Variants in RNF121 observed in about 807,000 individuals in gnomAD.
RNF121 encodes E3 ubiquitin ligase RNF121.
Under a neutral mutation model 46.5 loss-of-function variants are expected in RNF121, and 21 were observed. The ratio of observed to expected loss-of-function variants is 0.45; its 90% CI spans 0.32 to 0.65. RNF121 has a LOEUF of 0.65. Ranked by LOEUF, RNF121 falls within the 30% of genes least tolerant of loss-of-function variation. The pLI is 0.04. For missense variants in RNF121, 346 were observed against 416.0 expected, an observed-to-expected ratio of 0.83 and a Z score of 1.46; for synonymous variants, 139 against 144.7, an observed-to-expected ratio of 0.96 and a Z score of 0.28.
chr11:71,969,281 T>C (rs1590797921), intron 3 of RNF121, among the ~76,000 whole-genome samples: 1 of 152,192 alleles, frequency 6.6e-6, no homozygotes, highest in East Asian at 1.9e-4. Context: ...TTAGTTGTGA[T>C]ATATTCACAT....
intron 6 of RNF121, among the ~76,000 whole-genome samples, chr11:71,993,637 TGTGA>T (rs1260503932): frequency 2.0e-5 from 3 of 152,234 alleles, no homozygotes; most frequent in Admixed American, 6.5e-5. Flanking sequence ...TTTTGGCTAC[TGTGA>T]GTAACGCTGT....
intron 3 of RNF121, among the ~76,000 whole-genome samples, chr11:71,967,697 A>G (rs1224154521): frequency 3.9e-5 from 6 of 152,172 alleles, no homozygotes; most frequent in Non-Finnish European, 8.8e-5. Context: ...TTGGGATTAC[A>G]GACATGAGCC....
chr11:71,977,600 A>C (rs904749561), intron 3 of RNF121, among the ~76,000 whole-genome samples: 1 of 152,328 alleles, frequency 6.6e-6, no homozygotes, highest in Admixed American at 6.5e-5. Flanking sequence ...CGAATCCATG[A>C]GTTAGTTTCA....
intron 2 of RNF121, among the ~76,000 whole-genome samples, chr11:71,960,061 C>G (rs1775404735): frequency 6.6e-6 from 1 of 152,192 alleles, no homozygotes; most frequent in African/African-American, 2.4e-5. Flanking sequence ...TCTTTAAGAC[C>G]AGCGAATGCC....
At chr11:71,958,034 A>C (rs7102639) in intron 2 of RNF121, among the ~76,000 whole-genome samples, 2,616 of 152,376 alleles carry the variant, frequency 0.017, 79 homozygotes, top group African/African-American at 0.06. Context: ...TTTTAAGCTT[A>C]GTATGAACCA....
At chr11:71,975,983 G>A (rs745726166) in intron 3 of RNF121, among the ~76,000 whole-genome samples, 2 of 152,156 alleles carry the variant, frequency 1.3e-5, no homozygotes, top group African/African-American at 4.8e-5. Flanking sequence ...AACTCCAACC[G>A]TGTTTCTGCC....
chr11:71,933,886 T>C (rs1478820040), intron 1 of RNF121, among the ~76,000 whole-genome samples: 2 of 152,222 alleles, frequency 1.3e-5, no homozygotes, highest in African/African-American at 4.8e-5. Context: ...ATATGCCAGC[T>C]CCTCTGCCTA....
At chr11:71,990,254 G>A (rs1954840291) in intron 5 of RNF121, among the ~76,000 whole-genome samples, 1 of 152,154 alleles carries the variant, frequency 6.6e-6, no homozygotes, top group South Asian at 2.1e-4. Flanking sequence ...TACCAACAGT[G>A]GAGTCCCCAC....
intron 1 of RNF121, among the ~76,000 whole-genome samples, chr11:71,942,156 A>G (rs1953586595): frequency 6.6e-6 from 1 of 151,958 alleles, no homozygotes; most frequent in Non-Finnish European, 1.5e-5. Context: ...GATGGTCTCA[A>G]TCTCCTGACC....
At chr11:71,940,071 G>T (rs934362718) in intron 1 of RNF121, among the ~76,000 whole-genome samples, 1 of 152,186 alleles carries the variant, frequency 6.6e-6, no homozygotes, top group Non-Finnish European at 1.5e-5. Flanking sequence ...TGGATAGGAG[G>T]CCACTTTAGG....
At chr11:71,942,719 G>A (rs1048182968) in intron 1 of RNF121, among the ~76,000 whole-genome samples, 1 of 150,940 alleles carries the variant, frequency 6.6e-6, no homozygotes, top group Non-Finnish European at 1.5e-5. Flanking sequence ...AGCCAAGATC[G>A]TGCCACTGCA....
At chr11:71,993,091 A>G (rs1954896610) in intron 6 of RNF121, among the ~76,000 whole-genome samples, 1 of 152,152 alleles carries the variant, frequency 6.6e-6, no homozygotes, top group Non-Finnish European at 1.5e-5. Flanking sequence ...AAAACAGTAC[A>G]TTGGATCACT....
chr11:71,994,592 C>T (rs1954934434), intron 6 of RNF121, 127 bp from the exon 7 acceptor site: 3 of 1,051,386 alleles, frequency 2.9e-6, no homozygotes, highest in African/African-American at 1.6e-5. Context: ...AAAAGATGTC[C>T]TCTAACTCTG....
At chr11:71,946,583 TAAAAG>T (rs1953724190) in intron 1 of RNF121, among the ~76,000 whole-genome samples, 1 of 150,374 alleles carries the variant, frequency 6.7e-6, no homozygotes, top group Non-Finnish European at 1.5e-5. Flanking sequence ...TATAGCAGTA[TAAAAG>T]AAATTAATGG....
At chr11:71,975,746 A>T (rs1954513918) in intron 3 of RNF121, among the ~76,000 whole-genome samples, 2 of 152,200 alleles carry the variant, frequency 1.3e-5, no homozygotes, top group African/African-American at 4.8e-5. Context: ...AAAAGATGGG[A>T]AAGAAGACAT....
intron 3 of RNF121, among the ~76,000 whole-genome samples, chr11:71,966,973 G>A (rs1359850601): frequency 3.4e-5 from 5 of 148,570 alleles, no homozygotes; most frequent in Non-Finnish European, 7.4e-5. Context: ...CCGGGTTCAC[G>A]CCATTCTCCT....
At chr11:71,935,950 G>A (rs1278345237) in intron 1 of RNF121, among the ~76,000 whole-genome samples, 2 of 148,784 alleles carry the variant, frequency 1.3e-5, no homozygotes, top group African/African-American at 5.0e-5. Flanking sequence ...TGGGTTCAAG[G>A]GTTTCTCCTG....
At chr11:71,929,246 A>G in intron 1 of RNF121, 122 bp downstream of exon 1, 1 of 1,430,428 alleles carries the variant, frequency 7.0e-7, no homozygotes, top group Non-Finnish European at 9.3e-7. Flanking sequence ...GGAGCTGACT[A>G]GGGGGCGGGT....
chr11:71,950,739 G>A (rs998783935), intron 1 of RNF121, among the ~76,000 whole-genome samples: 2 of 151,490 alleles, frequency 1.3e-5, no homozygotes, highest in Non-Finnish European at 2.9e-5. Context: ...TGCAAGCTCC[G>A]CCCCCTGGGT....
Sources: gnomAD v4.1 joint callset for allele counts (sites outside exome capture counted in the v4.1 genomes callset) on GRCh38, gnomAD v4.1.1 for gene constraint, MANE v1.5 for transcripts, NCBI Gene and HGNC (gene_info 2026-07-23, HGNC 2026-07-21) for gene names.